Variants in SHF observed in about 807,000 individuals in gnomAD.
SHF encodes the protein SH2 domain-containing adapter protein F.
SHF carries 30 observed loss-of-function variants against 42.4 expected under a neutral mutation model. That is an observed-to-expected ratio of 0.71 (90% CI 0.53 to 0.96). SHF has a LOEUF of 0.96. Among genes scored for constraint, SHF ranks in the 40% least tolerant of loss-of-function variants. The pLI, the probability that SHF is intolerant of heterozygous loss-of-function variation, is 0.00. For synonymous variants in SHF, 264 were observed against 269.9 expected (o/e 0.98, Z 0.21); for missense variants, 598 against 634.0 (o/e 0.94, Z 0.61).
upstream of SHF, among the ~76,000 whole-genome samples, chr15:45,192,215 G>T (rs962375296): frequency 2.7e-5 from 4 of 150,594 alleles, no homozygotes; most frequent in Non-Finnish European, 5.9e-5. Flanking sequence ...TAAATTTTTT[G>T]ATTTTTCCTG....
chr15:45,198,157 C>G (rs1898927118), intron 2 of SHF, among the ~76,000 whole-genome samples: 2 of 152,022 alleles, frequency 1.3e-5, no homozygotes, highest in Admixed American at 1.3e-4. Context: ...GCCTGTAGTA[C>G]CAGCTACTCA....
chr15:45,188,724 G>T (rs1490381407), upstream of SHF, among the ~76,000 whole-genome samples: 2 of 152,228 alleles, frequency 1.3e-5, no homozygotes, highest in Admixed American at 6.5e-5. Context: ...GCGCACGCAC[G>T]CAGAAATCCC....
At chr15:45,180,411 C>T (rs906704789) in intron 1 of SHF, among the ~76,000 whole-genome samples, 3 of 152,190 alleles carry the variant, frequency 2.0e-5, no homozygotes, top group Non-Finnish European at 4.4e-5. Flanking sequence ...TTCTGTCAGT[C>T]GGCAGCCAGC....
chr15:45,170,202 C>A (rs555515150), intron 6 of SHF: 1 of 395,760 alleles, frequency 2.5e-6, no homozygotes, highest in Admixed American at 4.3e-5. Context: ...TGGAGTCAGA[C>A]AGAGCTGGGT....
chr15:45,175,283 C>A lies in SHF; in HGVS notation c.783G>T (p.Arg261Ser). Residue 261 changes from arginine to serine, a missense_variant, in exon 3 of 7, where the codon AGG (arginine) becomes AGT (serine). Arg to Ser is a moderately radical substitution (Grantham distance 110). Transcript: ENST00000690270. ...AGGGCTGGTCATACTCCTCAGGGGGCCTCTCATCATCCTCTGGCAGGCGGG... is the reference window on the plus strand; with the variant it reads ...AGGGCTGGTCATACTCCTCAGGGGGACTCTCATCATCCTCTGGCAGGCGGG... ...RESRLPEDDE[R>S]PPEEYDQPWE... 6.2e-7 allele frequency: 1 copy of A among 1,611,902 alleles called. No homozygotes were observed. The highest frequency in any genetic ancestry group is 8.5e-7 in the Non-Finnish European group (1 of 1,179,114).
intron 2 of SHF, chr15:45,198,586 C>T (rs962646247): frequency 3.3e-6 from 2 of 607,172 alleles, no homozygotes; most frequent in Admixed American, 3.4e-5. Context: ...GAGCCCCTTG[C>T]CGTGCCATTG....
chr15:45,198,604 A>G (rs1194559342), intron 2 of SHF: 2 of 739,032 alleles, frequency 2.7e-6, no homozygotes, highest in African/African-American at 1.8e-5. Flanking sequence ...TTGTTCCCAC[A>G]ATGCCGTGAC....
chr15:45,171,482 A>C, intron 6 of SHF: 1 of 202,696 alleles, frequency 4.9e-6, no homozygotes, highest in Non-Finnish European at 1.0e-5. Context: ...CTATGCTTCT[A>C]GAACATCTTG....
chr15:45,189,753 G>T (rs949824349), upstream of SHF, among the ~76,000 whole-genome samples: 3 of 151,948 alleles, frequency 2.0e-5, no homozygotes, highest in Admixed American at 6.6e-5. Context: ...CAAAGCGGGG[G>T]GTGTAAAGAA....
Position 45,172,228 on chromosome 15 carries a change from T to G in SHF, c.1079A>C (p.Lys360Thr). ...CTCCATGCTTAGGGGTTTGGCTGACTTGGGGTTCCCTGCAGAGAGTCGGGG... is the reference window on the plus strand; with the variant it reads ...CTCCATGCTTAGGGGTTTGGCTGACGTGGGGTTCCCTGCAGAGAGTCGGGG... ...LPPRLSAGNP[K>T]SAKPLSMEPS... The change falls in exon 5 of 7, where the codon AAG becomes ACG. Residue 360 changes from lysine to threonine, a missense_variant. Transcript: ENST00000690270. 6.2e-7 allele frequency: 1 copy of G among 1,613,854 alleles called. No homozygotes were observed. The highest frequency in any genetic ancestry group is 8.5e-7 in the Non-Finnish European group (1 of 1,179,798).
At chr15:45,181,788 T>C (rs1337765562) in intron 1 of SHF, among the ~76,000 whole-genome samples, 9 of 152,206 alleles carry the variant, frequency 5.9e-5, no homozygotes, top group Admixed American at 5.9e-4. Flanking sequence ...AAAGGACCTT[T>C]GGGGAAGACA....
At chr15:45,168,253 G>C in intron 6 of SHF, 120 bp from the exon 7 acceptor site, 1 of 993,362 alleles carries the variant, frequency 1.0e-6, no homozygotes, top group African/African-American at 1.6e-5. Context: ...AGCTGAGAAT[G>C]ACAGGTGATT....
intron 2 of SHF, chr15:45,198,595 T>C (rs1469129288): frequency 6.1e-6 from 4 of 653,814 alleles, no homozygotes; most frequent in Admixed American, 3.3e-5. Flanking sequence ...GCCGTGCCAT[T>C]GTTCCCACAA....
intron 2 of SHF, among the ~76,000 whole-genome samples, chr15:45,176,763 C>G (rs1897833540): frequency 6.6e-6 from 1 of 152,120 alleles, no homozygotes; most frequent in African/African-American, 2.4e-5. Flanking sequence ...GGAGCTACTC[C>G]CCCAAAAAAT....
chr15:45,198,590 G>A (rs533326321), intron 2 of SHF: 21 of 620,150 alleles, frequency 3.4e-5, no homozygotes, highest in Non-Finnish European at 4.4e-5. Context: ...CCCTTGCCGT[G>A]CCATTGTTCC....
chr15:45,189,152 G>A (rs1264327423), upstream of SHF, among the ~76,000 whole-genome samples: 1 of 141,948 alleles, frequency 7.0e-6, no homozygotes, highest in African/African-American at 2.7e-5. Context: ...GAGATTGCGC[G>A]ACTGCACTCC....
chr15:45,187,654 G>T lies in SHF; in HGVS notation c.298C>A (p.Gln100Lys). 1 of 1,227,950 alleles carries T rather than the reference G, an allele frequency of 8.1e-7. No individual in the cohort carries two copies. The highest frequency in any genetic ancestry group is 1.0e-6 in the Non-Finnish European group (1 of 985,230). 76.1% of individuals were successfully genotyped at this position (1,227,950 alleles called of 1,614,324 possible). A position where few individuals can be genotyped will look rare whatever the true frequency, so the allele number is the denominator to read the frequency against. The change falls in exon 1 of 7, where the codon CAG becomes AAG. Residue 100 changes from glutamine to lysine, a missense_variant. This residue lies in a region of SHF where 439 missense variants were observed against 524.6 expected (regional missense o/e 0.84). Coordinates refer to ENST00000690270, the MANE Select transcript of SHF (RefSeq NM_001394037.1). ...PPDILAAYRL[Q>K]RERDFEDPYS... ...GGGTCTTCGAAGTCGCGCTCCCGCT[G>T]CAGCCTGTAGGCGGCCAGGATGTCC...
At chr15:45,198,841 C>G in exon 2 of SHF, 1 of 1,613,922 alleles carries the variant, frequency 6.2e-7, no homozygotes, top group Non-Finnish European at 8.5e-7. Context: ...AGTTGCTTTT[C>G]TTCTTCTGTT....
rs748430140 is a variant in SHF, at chr15:45,172,213, A to G, written c.1094T>C (p.Leu365Pro). 2 of 1,613,718 alleles carry G rather than the reference A, an allele frequency of 1.2e-6. No homozygotes were observed. The highest frequency in any genetic ancestry group is 1.7e-6 in the Non-Finnish European group (2 of 1,179,828). Residue 365 changes from leucine (L) to proline (P), a missense_variant, in exon 5 of 7, where the codon CTA (leucine) becomes CCA (proline). Around this residue, in one of 2 missense-constraint regions of SHF, gnomAD observed 439 missense variants for 524.6 expected, o/e 0.84. Transcript: ENST00000690270. Reference sequence around the variant, plus strand: ...CAGGGGGCTGCTGGGCTCCATGCTTAGGGGTTTGGCTGACTTGGGGTTCCC... The same window carrying G: ...CAGGGGGCTGCTGGGCTCCATGCTTGGGGGTTTGGCTGACTTGGGGTTCCC... The part of the protein sequence containing the change: ...SAGNPKSAKP[L>P]SMEPSSPLGE...
Sources: gnomAD v4.1 joint callset for allele counts (sites outside exome capture counted in the v4.1 genomes callset) on GRCh38, gnomAD v4.1.1 for gene constraint, gnomAD v4.1.1 regional missense constraint, MANE v1.5 for transcripts, NCBI Gene and HGNC (gene_info 2026-07-23, HGNC 2026-07-21) for gene names.